The following ARL8B variants were observed in gnomAD, a reference collection of about 807,000 sequenced individuals.
The protein encoded by ARL8B is ADP-ribosylation factor-like protein 8B.
ARL8B carries 9 observed loss-of-function variants against 30.6 expected under a neutral mutation model. That is an observed-to-expected ratio of 0.29 (90% CI 0.18 to 0.51). The LOEUF is 0.51. Among genes scored for constraint, ARL8B ranks in the 20% least tolerant of loss-of-function variants. ARL8B has a pLI of 0.97. For missense variants in ARL8B, 130 were observed against 227.2 expected, an observed-to-expected ratio of 0.57 and a Z score of 2.75; for synonymous variants, 74 against 76.0, an observed-to-expected ratio of 0.97 and a Z score of 0.14.
intron 1 of ARL8B, among the ~76,000 whole-genome samples, chr3:5,156,679 G>C (rs1266133652): frequency 6.6e-6 from 1 of 152,144 alleles, no homozygotes; most frequent in Non-Finnish European, 1.5e-5. Flanking sequence ...GCCTCCCAAA[G>C]TGCTGGTATT....
chr3:5,138,477 G>A (rs911763010), intron 1 of ARL8B, among the ~76,000 whole-genome samples: 2 of 152,100 alleles, frequency 1.3e-5, no homozygotes, highest in African/African-American at 2.4e-5. Context: ...TTGACCTCAA[G>A]TTTTCTTTTC....
rs761679054 is a variant in ARL8B, at chr3:5,170,568, T to C, written c.189T>C (p.Gly63=). 2.0e-5 allele frequency: 33 copies of C among 1,611,706 alleles called. No homozygotes were observed. The highest frequency in any genetic ancestry group is 2.8e-5 in the Non-Finnish European group (33 of 1,178,102). ...VGFNMRKVTK[G]NVTIKIWDIG... ...TCAACATGAGGAAGGTAACTAAAGG[T>C]AACGTCACAATAAAGGTAAGTTATT... Residue 63 remains glycine, a synonymous_variant, in exon 2 of 7, where the codon GGT becomes GGC. Coordinates refer to ENST00000256496, the MANE Select transcript of ARL8B (RefSeq NM_018184.3).
At chr3:5,161,335 A>C (rs902990195) in intron 1 of ARL8B, among the ~76,000 whole-genome samples, 1 of 152,186 alleles carries the variant, frequency 6.6e-6, no homozygotes, top group Non-Finnish European at 1.5e-5. Context: ...CAATATTAAC[A>C]CTGAAACTTG....
At chr3:5,175,740 T>G (rs1319230013) in intron 6 of ARL8B, among the ~76,000 whole-genome samples, 9 of 152,214 alleles carry the variant, frequency 5.9e-5, no homozygotes, top group Non-Finnish European at 1.3e-4. Context: ...TCTCTCTAGC[T>G]TGTGGTGGTT....
In ARL8B at chr3:5,122,363, C is replaced by A. The variant is rs536749309; in HGVS notation, c.-103C>A. The A allele has an allele frequency of 8.9e-6, 14 of 1,568,908 alleles. No individual in the cohort carries two copies. The Admixed American group carries it at 1.5e-4, about 17-fold the overall frequency. Reference sequence around the variant, plus strand: ...TGTCCGCCCGTGTCGCGCCGGGGCACCAAGGAGCCGTTGGAGGGTCCGGGC... The same window carrying A: ...TGTCCGCCCGTGTCGCGCCGGGGCAACAAGGAGCCGTTGGAGGGTCCGGGC... On this transcript the variant is annotated 5_prime_UTR_variant, in exon 1 of 7. Coordinates refer to ENST00000256496, the MANE Select transcript of ARL8B (RefSeq NM_018184.3).
At position 5,122,432 on chromosome 3, in the gene ARL8B, G is replaced by T. The variant is rs1268358991; in HGVS notation, c.-34G>T. ...AAGTCGTCGACGCCGCCGCTCGTCC[G>T]TCCTCCCGTCCGTTCTCGCTCCCGG... On this transcript the variant is annotated 5_prime_UTR_variant, in exon 1 of 7. Coordinates refer to ENST00000256496, the MANE Select transcript of ARL8B (RefSeq NM_018184.3). 6.2e-7 allele frequency: 1 copy of T among 1,610,570 alleles called. No homozygotes were observed. Among genetic ancestry groups the T allele is most frequent in the Non-Finnish European group, 8.5e-7 (1 of 1,179,066 alleles).
intron 1 of ARL8B, among the ~76,000 whole-genome samples, chr3:5,148,306 G>T (rs1194006609): frequency 6.6e-6 from 1 of 152,122 alleles, no homozygotes; most frequent in Non-Finnish European, 1.5e-5. Context: ...TGTCCCATGG[G>T]AGCTTCCCTA....
chr3:5,143,845 T>G (rs2054396984), intron 1 of ARL8B, among the ~76,000 whole-genome samples: 1 of 152,230 alleles, frequency 6.6e-6, no homozygotes, highest in African/African-American at 2.4e-5. Flanking sequence ...GTTTCCAAAG[T>G]AGGAAGATCT....
chr3:5,123,965 C>T (rs2054206051), intron 1 of ARL8B, among the ~76,000 whole-genome samples: 1 of 152,148 alleles, frequency 6.6e-6, no homozygotes, highest in Non-Finnish European at 1.5e-5. Flanking sequence ...CCTCCACCTC[C>T]CAGGTTCAAG....
Position 5,180,223 on chromosome 3 carries a change from A to T in ARL8B, c.*1510A>T, listed in dbSNP as rs1007915362. On this transcript the variant is annotated 3_prime_UTR_variant, in exon 7 of 7. Coordinates refer to ENST00000256496, the MANE Select transcript of ARL8B (RefSeq NM_018184.3). ...TGCCATGGCCTTAAAAATATTCTGT[A>T]CAATATACTGCACTGTGTTGCACAG... is the stretch of plus-strand genomic sequence containing the variant. 2 of 152,684 alleles carry T rather than the reference A, an allele frequency of 1.3e-5. No homozygotes were observed. The highest frequency in any genetic ancestry group is 2.9e-5 in the Non-Finnish European group (2 of 68,034). The allele number at this position is 152,684 out of a possible 1,614,324, so 9.5% of individuals were successfully genotyped here.
chr3:5,122,535 A>C lies in ARL8B; in HGVS notation c.70A>C (p.Thr24Pro). 6.2e-7 allele frequency: 1 copy of C among 1,612,980 alleles called. No homozygotes were observed. The highest frequency in any genetic ancestry group is 8.5e-7 in the Non-Finnish European group (1 of 1,179,530). ...SLFWKEEMEL[T>P]LVGLQYSGKT... ...CTTCTGGAAGGAAGAGATGGAGCTG[A>C]CGCTCGTGGGGCTGCAGTACTCGGG... Residue 24 changes from threonine (T) to proline (P), a missense_variant, in exon 1 of 7, where the codon ACG becomes CCG. Thr to Pro is a conservative substitution (Grantham distance 38). Coordinates refer to ENST00000256496, the MANE Select transcript of ARL8B (RefSeq NM_018184.3).
intron 1 of ARL8B, among the ~76,000 whole-genome samples, chr3:5,144,991 T>C (rs2054406109): frequency 6.6e-6 from 1 of 152,210 alleles, no homozygotes; most frequent in South Asian, 2.1e-4. Context: ...TAAAAGCATA[T>C]AATTCACAGG....
chr3:5,142,774 C>T (rs1030344499), intron 1 of ARL8B, among the ~76,000 whole-genome samples: 7 of 152,240 alleles, frequency 4.6e-5, no homozygotes, highest in African/African-American at 1.4e-4. Context: ...ACAAATCACC[C>T]TATGGGGTCT....
intron 1 of ARL8B, among the ~76,000 whole-genome samples, chr3:5,164,953 G>T (rs1447431934): frequency 5.9e-5 from 9 of 152,080 alleles, no homozygotes; most frequent in Non-Finnish European, 8.8e-5. Context: ...TTTTGGGTTT[G>T]TCTGATGATT....
chr3:5,128,122 G>T (rs1174345440), intron 1 of ARL8B, among the ~76,000 whole-genome samples: 2 of 116,720 alleles, frequency 1.7e-5, no homozygotes, highest in Non-Finnish European at 3.3e-5. Flanking sequence ...GAAATTGAGC[G>T]ACTGCACTCC....
At position 5,180,148 on chromosome 3, in the gene ARL8B, T is replaced by A. The variant is rs1366362109; in HGVS notation, c.*1435T>A. On this transcript the variant is annotated 3_prime_UTR_variant, in exon 7 of 7. Transcript: ENST00000256496. The stretch of plus-strand genomic sequence containing the variant: ...TTCCAAATGTGTTGAGCACTCAGAG[T>A]GTAGTCAACAGTAAGTTCTTTTAAT... 1 of 152,628 alleles carries A rather than the reference T, an allele frequency of 6.6e-6. No homozygotes were observed. Among genetic ancestry groups the A allele is most frequent in the Non-Finnish European group, 1.5e-5 (1 of 68,020 alleles). 9.5% of individuals were successfully genotyped at this position (152,628 alleles called of 1,614,324 possible). A position where few individuals can be genotyped will look rare whatever the true frequency, so the allele number is the denominator to read the frequency against.
At chr3:5,172,584 ATAC>A in intron 3 of ARL8B, 60 bp from the exon 4 acceptor site, 1 of 1,059,930 alleles carries the variant, frequency 9.4e-7, no homozygotes, top group Non-Finnish European at 1.4e-6. Flanking sequence ...AAAATCAATA[ATAC>A]TAGTTGTCAT....
Position 5,178,900 on chromosome 3 carries a change from T to C in ARL8B, c.*187T>C. 8.9e-7 allele frequency: 1 copy of C among 1,122,030 alleles called. No homozygotes were observed. The highest frequency in any genetic ancestry group is 2.8e-5 in the East Asian group (1 of 35,602). 69.5% of individuals were successfully genotyped at this position (1,122,030 alleles called of 1,614,324 possible). A position where few individuals can be genotyped will look rare whatever the true frequency, so the allele number is the denominator to read the frequency against. On this transcript the variant is annotated 3_prime_UTR_variant, in exon 7 of 7. Transcript: ENST00000256496. Reference sequence around the variant, plus strand: ...CTTCATAAAGAATCAGCTAGAGTTGTCATGATAAAGTCAGCACACACAAAA... The same window carrying C: ...CTTCATAAAGAATCAGCTAGAGTTGCCATGATAAAGTCAGCACACACAAAA...
intron 1 of ARL8B, among the ~76,000 whole-genome samples, chr3:5,140,743 TATA>T (rs1387990180): frequency 2.0e-5 from 3 of 152,166 alleles, no homozygotes; most frequent in Admixed American, 6.5e-5. Flanking sequence ...AATTCTAGGC[TATA>T]ATAATTGTTC....
Sources: allele counts gnomAD v4.1 joint callset (sites outside exome capture counted in the v4.1 genomes callset), GRCh38; gene constraint gnomAD v4.1.1; transcripts MANE v1.5; gene names NCBI Gene and HGNC (gene_info 2026-07-23, HGNC 2026-07-21).